LAMTOR1: variants seen among roughly 807,000 people sequenced by gnomAD.
The protein encoded by LAMTOR1 is ragulator complex protein LAMTOR1.
LAMTOR1 carries 8 observed loss-of-function variants against 20.5 expected under a neutral mutation model. The observed-to-expected ratio is 0.39, with a 90% confidence interval of 0.23 to 0.70. The LOEUF is 0.70. Among genes scored for constraint, LAMTOR1 ranks in the 30% least tolerant of loss-of-function variants. The pLI is 0.43. For missense variants in LAMTOR1, 135 were observed against 206.2 expected (o/e 0.65, Z 2.11); for synonymous variants, 77 against 80.9 (o/e 0.95, Z 0.26).
At position 72,097,933 on chromosome 11, in the gene LAMTOR1, G is replaced by A. The variant is rs371160732; in HGVS notation, c.394-19C>T. Reference sequence around the variant, plus strand: ...TGGAGACCTGAGACAGAGAGGGGCCGGGGAGGAGAGGAACAGAGACAGGTG... The same window carrying A: ...TGGAGACCTGAGACAGAGAGGGGCCAGGGAGGAGAGGAACAGAGACAGGTG... On this transcript the variant is annotated intron_variant, in intron 4 of 4. Transcript: ENST00000278671. 59 of 1,569,102 alleles carry A rather than the reference G, an allele frequency of 3.8e-5. No homozygotes were observed. The highest frequency in any genetic ancestry group is 1.4e-4 in the African/African-American group (10 of 73,842).
chr11:72,102,311 G>A (rs1591180939), intron 1 of LAMTOR1, among the ~76,000 whole-genome samples: 1 of 152,194 alleles, frequency 6.6e-6, no homozygotes. Flanking sequence ...AGCAACTTGA[G>A]ACTTCATCCT....
At chr11:72,101,771 G>GC (rs1267424057) in intron 1 of LAMTOR1, among the ~76,000 whole-genome samples, 1 of 152,036 alleles carries the variant, frequency 6.6e-6, no homozygotes, top group Non-Finnish European at 1.5e-5. Flanking sequence ...AGAAATGAGA[G>GC]CCCCCCAAGG....
Position 72,097,845 on chromosome 11 carries a change from C to T in LAMTOR1, c.463G>A (p.Val155Ile), listed in dbSNP as rs1945283244. The change falls in exon 5 of 5, where the codon GTT becomes ATT. Residue 155 changes from valine (V) to isoleucine (I), a missense_variant. Physicochemically the swap from Val to Ile is conservative, Grantham distance 29 (BLOSUM62 3). Coordinates refer to ENST00000278671, the MANE Select transcript of LAMTOR1 (RefSeq NM_017907.3). ...QIRVDAKEEL[V>I]VQFGIP is the part of the protein sequence containing the mutation. ...CTTCATGGGATCCCAAACTGTACAA[C>T]CAGCTCCTCTTTTGCGTCCACACGG... 1 of 1,613,722 alleles carries T rather than the reference C, an allele frequency of 6.2e-7. No homozygotes were observed. Among genetic ancestry groups the T allele is most frequent in the Non-Finnish European group, 8.5e-7 (1 of 1,179,722 alleles).
chr11:72,098,675 G>A (rs766839284), intron 3 of LAMTOR1, 106 bp downstream of exon 3: 8 of 889,366 alleles, frequency 9.0e-6, no homozygotes, highest in Non-Finnish European at 1.4e-5. Flanking sequence ...CTCCAGGGCT[G>A]CACCAAATGA....
In LAMTOR1 at chr11:72,097,407, C is replaced by T. The variant is rs569021517; in HGVS notation, c.*415G>A. On this transcript the variant is annotated 3_prime_UTR_variant, in exon 5 of 5. Coordinates refer to ENST00000278671, the MANE Select transcript of LAMTOR1 (RefSeq NM_017907.3). ...CAATTCATTCAAATTCAAGCTCATC[C>T]AGACCCTGGTCACAAACCCTAGTGA... The T allele has an allele frequency of 9.3e-5, 94 of 1,007,410 alleles. No homozygotes were observed. The highest frequency in any genetic ancestry group is 5.3e-4 in the Admixed American group (10 of 18,960). The allele number at this position is 1,007,410 out of a possible 1,614,324, so 62.4% of individuals were successfully genotyped here.
chr11:72,103,156 C>A, intron 1 of LAMTOR1, 27 bp downstream of exon 1: 1 of 1,579,528 alleles, frequency 6.3e-7, no homozygotes, highest in Non-Finnish European at 8.6e-7. Flanking sequence ...AGCCCTCATT[C>A]CCGAGCCCCG....
chr11:72,097,953 C>A (rs1360302388), intron 4 of LAMTOR1, 39 bp from the exon 5 acceptor site: 1 of 1,547,006 alleles, frequency 6.5e-7, no homozygotes, highest in African/African-American at 1.4e-5. Context: ...GGAACAGAGA[C>A]AGGTGAGGAG....
At chr11:72,101,958 GTC>G (rs1401907235) in intron 1 of LAMTOR1, among the ~76,000 whole-genome samples, 1 of 152,144 alleles carries the variant, frequency 6.6e-6, no homozygotes, top group Admixed American at 6.5e-5. Flanking sequence ...GGTTATTGTT[GTC>G]TCTTTCTCAA....
At position 72,097,579 on chromosome 11, in the gene LAMTOR1, T is replaced by C. The variant is rs1945271743; in HGVS notation, c.*243A>G. 1.5e-6 allele frequency: 2 copies of C among 1,331,526 alleles called. No homozygotes were observed. The highest frequency in any genetic ancestry group is 1.9e-6 in the Non-Finnish European group (2 of 1,036,018). The allele number at this position is 1,331,526 out of a possible 1,614,324, so 82.5% of individuals were successfully genotyped here. On this transcript the variant is annotated 3_prime_UTR_variant, in exon 5 of 5. Coordinates refer to ENST00000278671, the MANE Select transcript of LAMTOR1 (RefSeq NM_017907.3). Reference sequence around the variant, plus strand: ...CACATTCTCAATGACTATGAAGACATACCAGGCTCTGTCCTTTTGGCCCCC... The same window carrying C: ...CACATTCTCAATGACTATGAAGACACACCAGGCTCTGTCCTTTTGGCCCCC...
Position 72,097,508 on chromosome 11 carries a change from C to G in LAMTOR1, c.*314G>C. ...CCAACAGAGAGGGTGGGAAGGGGAT[C>G]TCCCTAGGTCCCCTGGTGATCACCC... On this transcript the variant is annotated 3_prime_UTR_variant, in exon 5 of 5. Transcript: ENST00000278671. 1.8e-6 allele frequency: 2 copies of G among 1,110,004 alleles called. No homozygotes were observed. The highest frequency in any genetic ancestry group is 2.2e-6 in the Non-Finnish European group (2 of 905,060). The allele number at this position is 1,110,004 out of a possible 1,614,324, so 68.8% of individuals were successfully genotyped here.
At position 72,103,293 on chromosome 11, in the gene LAMTOR1, C is replaced by T. The variant is rs1481227804; in HGVS notation, c.-69G>A. 2.0e-5 allele frequency: 31 copies of T among 1,518,960 alleles called. No homozygotes were observed. Among genetic ancestry groups the T allele is most frequent in the Non-Finnish European group, 2.7e-5 (31 of 1,133,396 alleles). 94.1% of individuals were successfully genotyped at this position (1,518,960 alleles called of 1,614,324 possible). On this transcript the variant is annotated 5_prime_UTR_variant, in exon 1 of 5. An upstream open reading frame in the 5' UTR loses its in-frame stop. Transcript: ENST00000278671. ...GGCGTCCGTGAGGAGCCCTTCCGGTCACATGACCCGCGGCGGCCTCCCGCA... is the reference window on the plus strand; with the variant it reads ...GGCGTCCGTGAGGAGCCCTTCCGGTTACATGACCCGCGGCGGCCTCCCGCA...
intron 1 of LAMTOR1, among the ~76,000 whole-genome samples, chr11:72,102,647 T>G (rs1945486754): frequency 6.6e-6 from 1 of 152,330 alleles, no homozygotes; most frequent in East Asian, 1.9e-4. Context: ...CCTCACTGTA[T>G]CGATTAAATC....
chr11:72,099,156 G>T lies in LAMTOR1; in HGVS notation c.143C>A (p.Thr48Asn). The T allele has an allele frequency of 6.2e-7, 1 of 1,613,968 alleles. No homozygotes were observed. The highest frequency in any genetic ancestry group is 8.5e-7 in the Non-Finnish European group (1 of 1,179,920). Residue 48 changes from threonine (T) to asparagine (N), a missense_variant, in exon 2 of 5, where the codon ACT becomes AAT. Thr to Asn is a moderately conservative substitution (Grantham distance 65). Transcript: ENST00000278671. ...PNYHSLPSARTDEQALLSSIL... is the reference protein window; with the variant it reads ...PNYHSLPSARNDEQALLSSIL... Reference sequence around the variant, plus strand: ...GGAAGAGAGCAGGGCCTGCTCATCAGTGCGAGCGGAAGGCAGGCTGTGGTA... The same window carrying T: ...GGAAGAGAGCAGGGCCTGCTCATCATTGCGAGCGGAAGGCAGGCTGTGGTA...
At position 72,097,877 on chromosome 11, in the gene LAMTOR1, G is replaced by A. The variant is rs1945284437; in HGVS notation, c.431C>T (p.Ser144Phe). 1.9e-6 allele frequency: 3 copies of A among 1,611,600 alleles called. No homozygotes were observed. In the African/African-American group the frequency reaches 4.0e-5, roughly 22 times the overall value. ...RIAAYAYSAL[S>F]QIRVDAKEEL... ...CTCTTTTGCGTCCACACGGATCTGA[G>A]AAAGTGCACTGTAGGCATAAGCAGC... Residue 144 changes from serine (S) to phenylalanine (F), a missense_variant, in exon 5 of 5, where the codon TCT (serine) becomes TTT (phenylalanine). Physicochemically the swap from Ser to Phe is radical, Grantham distance 155. Coordinates refer to ENST00000278671, the MANE Select transcript of LAMTOR1 (RefSeq NM_017907.3).
chr11:72,103,218 ACCCCATG>A lies in LAMTOR1; in HGVS notation c.-1_6del. 1 of 1,570,840 alleles carries A rather than the reference ACCCCATG, an allele frequency of 6.4e-7. No homozygotes were observed. Among genetic ancestry groups the A allele is most frequent in the Admixed American group, 1.9e-5 (1 of 53,958 alleles). ...TCCTCGTTCTCGCTGCTGTAGCAGC[ACCCCATG>A]GCCGGGGTCGGGCCGGGCGCTCAGG... On this transcript the variant is annotated start_lost and 5_prime_UTR_variant, in exon 1 of 5. Coordinates refer to ENST00000278671, the MANE Select transcript of LAMTOR1 (RefSeq NM_017907.3).
rs1670775752 is a variant in LAMTOR1, at chr11:72,097,593, C to T, written c.*229G>A. 7.4e-7 allele frequency: 1 copy of T among 1,358,352 alleles called. No homozygotes were observed. The highest frequency in any genetic ancestry group is 2.9e-5 in the East Asian group (1 of 34,258). 84.1% of individuals were successfully genotyped at this position (1,358,352 alleles called of 1,614,324 possible). ...CTATGAAGACATACCAGGCTCTGTCCTTTTGGCCCCCACCCCATCCCTGGC... is the reference window on the plus strand; with the variant it reads ...CTATGAAGACATACCAGGCTCTGTCTTTTTGGCCCCCACCCCATCCCTGGC... On this transcript the variant is annotated 3_prime_UTR_variant, in exon 5 of 5. Transcript: ENST00000278671.
intron 4 of LAMTOR1, 178 bp downstream of exon 4, chr11:72,098,111 G>A (rs955368561): frequency 9.9e-7 from 1 of 1,010,684 alleles, no homozygotes; most frequent in African/African-American, 1.6e-5. Context: ...TTGCAGGAAG[G>A]AGATAGGAAA....
chr11:72,098,861 A>G lies in LAMTOR1; in HGVS notation c.189-3T>C. 2 of 1,545,526 alleles carry G rather than the reference A, an allele frequency of 1.3e-6. No homozygotes were observed. The highest frequency in any genetic ancestry group is 2.4e-5 in the South Asian group (2 of 81,700). On this transcript the variant is annotated splice_region_variant and splice_polypyrimidine_tract_variant and intron_variant, in intron 2 of 4. Transcript: ENST00000278671. ...CAGCAGACACATCAATGATGTTGCT[A>G]TGGGGAGAGGAGACAGAGATGACAT...
intron 1 of LAMTOR1, among the ~76,000 whole-genome samples, chr11:72,101,929 C>G (rs910102503): frequency 7.2e-5 from 11 of 152,198 alleles, no homozygotes; most frequent in African/African-American, 2.7e-4. Flanking sequence ...CACTAGGCTA[C>G]AGCTCTCCCA....
Sources: allele counts gnomAD v4.1 joint callset (sites outside exome capture counted in the v4.1 genomes callset), GRCh38; gene constraint gnomAD v4.1.1; transcripts MANE v1.5; gene names NCBI Gene and HGNC (gene_info 2026-07-23, HGNC 2026-07-21).